The following SEMA5A variants were observed in gnomAD, a reference collection of about 807,000 sequenced individuals.
SEMA5A encodes the protein semaphorin 5A, also known as semaphorin-5A.
A neutral mutation model predicts 135.5 loss-of-function variants in SEMA5A; 55 were observed. The observed-to-expected ratio is 0.41, with a 90% confidence interval of 0.33 to 0.51. SEMA5A has a LOEUF of 0.51. Ranked by LOEUF, SEMA5A falls within the 20% of genes least tolerant of loss-of-function variation. The pLI, the probability that SEMA5A is intolerant of heterozygous loss-of-function variation, is 0.37. For synonymous variants in SEMA5A, 580 were observed against 546.5 expected, an observed-to-expected ratio of 1.06 and a Z score of -0.85; for missense variants, 1,290 against 1,419.9, an observed-to-expected ratio of 0.91 and a Z score of 1.47.
At chr5:9,309,068 T>A (rs1752002620) in intron 5 of SEMA5A, among the ~76,000 whole-genome samples, 1 of 152,162 alleles carries the variant, frequency 6.6e-6, no homozygotes, top group Non-Finnish European at 1.5e-5. Context: ...AAAGAGTAAG[T>A]GGAAGGATGA....
intron 16 of SEMA5A, among the ~76,000 whole-genome samples, chr5:9,087,742 C>T (rs973037331): frequency 6.6e-6 from 1 of 152,080 alleles, no homozygotes; most frequent in Non-Finnish European, 1.5e-5. Flanking sequence ...AATGCAGTTA[C>T]AAATCTGTTC....
At chr5:9,413,994 A>T (rs1323830174) in intron 2 of SEMA5A, among the ~76,000 whole-genome samples, 1 of 152,216 alleles carries the variant, frequency 6.6e-6, no homozygotes, top group East Asian at 1.9e-4. Context: ...GCTGGAACAG[A>T]ACATTTCCTA....
chr5:9,069,824 A>C (rs1237881837), intron 16 of SEMA5A, among the ~76,000 whole-genome samples: 1 of 152,182 alleles, frequency 6.6e-6, no homozygotes, highest in African/African-American at 2.4e-5. Context: ...TAAATGAAAA[A>C]GCCCCAATGA....
chr5:9,398,434 G>A (rs766117508), intron 2 of SEMA5A, among the ~76,000 whole-genome samples: 5 of 152,198 alleles, frequency 3.3e-5, no homozygotes, highest in Non-Finnish European at 7.3e-5. Flanking sequence ...CTTCAAAAGC[G>A]TAGCTTATTG....
At chr5:9,162,564 G>GTGTGTATATATATATA (rs1331354641) in intron 11 of SEMA5A, among the ~76,000 whole-genome samples, 18 of 84,014 alleles carry the variant, frequency 2.1e-4, no homozygotes, top group African/African-American at 7.0e-4. Flanking sequence ...GTGTGTGTGT[G>GTGTGTATATATATATA]TATATATATA....
At chr5:9,089,239 C>T (rs572262987) in intron 16 of SEMA5A, among the ~76,000 whole-genome samples, 39 of 152,308 alleles carry the variant, frequency 2.6e-4, no homozygotes, top group South Asian at 4.1e-4. Flanking sequence ...GGCGCTAATG[C>T]GATCCATGCA....
intron 11 of SEMA5A, among the ~76,000 whole-genome samples, chr5:9,173,893 T>A (rs980233582): frequency 6.6e-5 from 10 of 152,184 alleles, no homozygotes; most frequent in African/African-American, 1.7e-4. Flanking sequence ...CTTAACATTA[T>A]GAAAACATAA....
intron 1 of SEMA5A, among the ~76,000 whole-genome samples, chr5:9,536,619 G>GAAAA (rs199742682): frequency 7.2e-6 from 1 of 139,554 alleles, no homozygotes; most frequent in Non-Finnish European, 1.6e-5. Flanking sequence ...TCTCAAAAAA[G>GAAAA]AAAAAAAAAA....
intron 3 of SEMA5A, among the ~76,000 whole-genome samples, chr5:9,359,496 G>A (rs1196436059): frequency 6.6e-6 from 1 of 152,176 alleles, no homozygotes; most frequent in Admixed American, 6.5e-5. Context: ...AATGGCCAGA[G>A]AAGGAATTTC....
chr5:9,472,941 T>G (rs1057062700), intron 1 of SEMA5A, among the ~76,000 whole-genome samples: 1 of 150,418 alleles, frequency 6.6e-6, no homozygotes, highest in African/African-American at 2.4e-5. Flanking sequence ...TGAAATCCTT[T>G]AAAAGCAGAA....
At chr5:9,323,797 GATTACACTGACATGCCACC>G (rs1340221327) in intron 4 of SEMA5A, among the ~76,000 whole-genome samples, 1 of 151,294 alleles carries the variant, frequency 6.6e-6, no homozygotes, top group African/African-American at 2.4e-5. Flanking sequence ...CAGTAGCCAG[GATTACACTGACATGCCACC>G]ACGCCTGACT....
At chr5:9,311,255 C>T (rs1446996387) in intron 5 of SEMA5A, among the ~76,000 whole-genome samples, 1 of 151,900 alleles carries the variant, frequency 6.6e-6, no homozygotes, top group African/African-American at 2.4e-5. Flanking sequence ...TAATAATGTC[C>T]CCAGATATTG....
intron 8 of SEMA5A, among the ~76,000 whole-genome samples, chr5:9,223,577 C>T (rs534955558): frequency 1.3e-5 from 2 of 152,208 alleles, no homozygotes; most frequent in African/African-American, 4.8e-5. Flanking sequence ...ACAACTAAGA[C>T]AATTTGGCCC....
At position 9,042,771 on chromosome 5, in the gene SEMA5A, TG is replaced by T; in HGVS notation, c.*125del. On this transcript the variant is annotated 3_prime_UTR_variant, in exon 23 of 23. Coordinates refer to ENST00000382496, the MANE Select transcript of SEMA5A (RefSeq NM_003966.3). ...TATTTTTGGCAGCAATGGGACACTC[TG>T]GTGGCTTGAAATGCACTTGAAATGT... 8.5e-7 allele frequency: 1 copy of T among 1,174,672 alleles called. No homozygotes were observed. The highest frequency in any genetic ancestry group is 1.2e-6 in the Non-Finnish European group (1 of 813,626). The allele number at this position is 1,174,672 out of a possible 1,614,324, so 72.8% of individuals were successfully genotyped here.
intron 3 of SEMA5A, among the ~76,000 whole-genome samples, chr5:9,346,271 C>A (rs530162227): frequency 5.9e-5 from 9 of 152,244 alleles, no homozygotes; most frequent in Admixed American, 5.9e-4. Context: ...GGGAAGATAA[C>A]CTTCCTGCCC....
chr5:9,234,950 G>T (rs1433233610), intron 6 of SEMA5A, among the ~76,000 whole-genome samples: 1 of 152,130 alleles, frequency 6.6e-6, no homozygotes, highest in Non-Finnish European at 1.5e-5. Context: ...ACTTCTCTGG[G>T]TTCAATTTAC....
chr5:9,136,344 A>T (rs1741741889), intron 13 of SEMA5A, among the ~76,000 whole-genome samples, 160 bp downstream of exon 13: 1 of 152,234 alleles, frequency 6.6e-6, no homozygotes, highest in Non-Finnish European at 1.5e-5. Flanking sequence ...GGCCCTGTGC[A>T]AGCCAAGAGC....
chr5:9,416,405 C>T (rs143720239), intron 2 of SEMA5A, among the ~76,000 whole-genome samples: 1,802 of 152,220 alleles, frequency 0.012, 31 homozygotes, highest in African/African-American at 0.041. Flanking sequence ...AGGGCAGGTC[C>T]CACACTTCCC....
chr5:9,043,319 A>G (rs1016086078), intron 22 of SEMA5A: 1 of 262,790 alleles, frequency 3.8e-6, no homozygotes, highest in Non-Finnish European at 7.2e-6. Context: ...ACCTAAAACT[A>G]TAATGATTTC....
Sources: allele counts gnomAD v4.1 joint callset (sites outside exome capture counted in the v4.1 genomes callset), GRCh38; gene constraint gnomAD v4.1.1; transcripts MANE v1.5; gene names NCBI Gene and HGNC (gene_info 2026-07-23, HGNC 2026-07-21).